Variants in CLVS2 observed in about 807,000 individuals in gnomAD.
The protein encoded by CLVS2 is clavesin 2.
Under a neutral mutation model 29.0 loss-of-function variants are expected in CLVS2, and 19 were observed. The observed-to-expected ratio is 0.66, with a 90% CI of 0.46 to 0.96. The LOEUF is 0.96. CLVS2 is among the 40% of genes least tolerant of loss of function. The pLI is 0.00. For missense variants in CLVS2, 294 were observed against 404.1 expected (o/e 0.73, Z 2.34); for synonymous variants, 161 against 151.3 (o/e 1.06, Z -0.47).
At position 122,997,420 on chromosome 6, in the gene CLVS2, C is replaced by T. The variant is rs1036509417; in HGVS notation, c.-358C>T. ...AGGACAGTACCAAGATCAGAAACAC[C>T]CGTGCTAGGTGGAATTAGGGGTGAT... On this transcript the variant is annotated 5_prime_UTR_variant, in exon 2 of 6. Coordinates refer to ENST00000275162, the MANE Select transcript of CLVS2 (RefSeq NM_001010852.4). 7.7e-6 allele frequency: 2 copies of T among 259,522 alleles called. No homozygotes were observed. The highest frequency in any genetic ancestry group is 1.0e-4 in the Admixed American group (2 of 19,760). The allele number at this position is 259,522 out of a possible 1,614,324, so 16.1% of individuals were successfully genotyped here.
Position 123,070,113 on chromosome 6 carries a change from A to G in CLVS2, c.*6352A>G, listed in dbSNP as rs1431658065. 6.6e-6 allele frequency: 1 copy of G among 151,898 alleles called. No individual in the cohort carries two copies. Among genetic ancestry groups the G allele is most frequent in the African/African-American group, 2.4e-5 (1 of 41,406 alleles). 9.4% of individuals were successfully genotyped at this position (151,898 alleles called of 1,614,324 possible). On this transcript the variant is annotated 3_prime_UTR_variant, in exon 6 of 6. Transcript: ENST00000275162. ...AAAATTGTTGTTTTTTGTGTTTTGT[A>G]TTCATAGGGAAGACTAGTAATATCC...
chr6:122,998,798 G>A (rs1273135549), intron 2 of CLVS2, among the ~76,000 whole-genome samples: 1 of 152,076 alleles, frequency 6.6e-6, no homozygotes, highest in African/African-American at 2.4e-5. Flanking sequence ...ACTGACTGGT[G>A]TATGTGTCCT....
intron 2 of CLVS2, among the ~76,000 whole-genome samples, chr6:123,002,586 T>TAATAA (rs150606484): frequency 0.015 from 2,177 of 144,210 alleles, 30 homozygotes; most frequent in African/African-American, 0.036. Flanking sequence ...GTACTAAAAA[T>TAATAA]AATAAAATAA....
At chr6:123,024,034 C>G (rs189468460) in intron 3 of CLVS2, among the ~76,000 whole-genome samples, 3 of 152,166 alleles carry the variant, frequency 2.0e-5, no homozygotes, top group Admixed American at 1.3e-4. Flanking sequence ...GAAGATGAAC[C>G]CTTCAGGCTG....
intron 2 of CLVS2, among the ~76,000 whole-genome samples, chr6:123,002,595 A>AAAATAAAATAAAATT (rs1774605434): frequency 6.6e-6 from 1 of 151,306 alleles, no homozygotes; most frequent in Non-Finnish European, 1.5e-5. Context: ...ATAATAAAAT[A>AAAATAAAATAAAATT]AAATAAAATA....
intron 2 of CLVS2, among the ~76,000 whole-genome samples, chr6:123,003,359 G>A (rs1774617405): frequency 6.6e-6 from 1 of 152,204 alleles, no homozygotes; most frequent in African/African-American, 2.4e-5. Context: ...CCAATAGTTA[G>A]TATATTAAGA....
Position 123,011,105 on chromosome 6 carries a change from G to A in CLVS2, c.510G>A (p.Lys170=), listed in dbSNP as rs751923428. 1.5e-5 allele frequency: 24 copies of A among 1,611,376 alleles called. No individual in the cohort carries two copies. The highest frequency in any genetic ancestry group is 2.0e-5 in the Non-Finnish European group (24 of 1,178,536). ...TAGACTGGAGTAACTTCACTTTCAAGCAAGCCTCTAAACTCACACCAAGTA... is the reference window on the plus strand; with the variant it reads ...TAGACTGGAGTAACTTCACTTTCAAACAAGCCTCTAAACTCACACCAAGTA... The part of the protein sequence containing the change: ...LIIDWSNFTF[K]QASKLTPSML... The change falls in exon 3 of 6, where the codon AAG becomes AAA. Residue 170 remains lysine, a synonymous_variant. Coordinates refer to ENST00000275162, the MANE Select transcript of CLVS2 (RefSeq NM_001010852.4).
At chr6:123,035,481 C>T (rs879742998) in intron 3 of CLVS2, among the ~76,000 whole-genome samples, 21 of 151,964 alleles carry the variant, frequency 1.4e-4, no homozygotes, top group Non-Finnish European at 2.6e-4. Flanking sequence ...TAAAAAGTCT[C>T]ATATTTTATC....
chr6:123,070,839 A>T lies in CLVS2; in HGVS notation c.*7078A>T, dbSNP rs1010633327. ...ATCTTTGCTGTTCCAGGAACTTGCT[A>T]AGCATGCCTCTACCTCAGGACTTTC... is the stretch of plus-strand genomic sequence containing the variant. On this transcript the variant is annotated 3_prime_UTR_variant, in exon 6 of 6. Coordinates refer to ENST00000275162, the MANE Select transcript of CLVS2 (RefSeq NM_001010852.4). 2.6e-5 allele frequency: 4 copies of T among 151,992 alleles called. No individual in the cohort carries two copies. Among genetic ancestry groups the T allele is most frequent in the Admixed American group, 2.6e-4 (4 of 15,218 alleles). The allele number at this position is 151,992 out of a possible 1,614,324, so 9.4% of individuals were successfully genotyped here.
chr6:123,035,508 A>G (rs537345897), intron 3 of CLVS2, among the ~76,000 whole-genome samples: 2 of 152,248 alleles, frequency 1.3e-5, no homozygotes, highest in African/African-American at 4.8e-5. Flanking sequence ...AATCTCTGGA[A>G]TCTACCTAGT....
chr6:123,054,123 T>G (rs117224349), intron 4 of CLVS2, among the ~76,000 whole-genome samples: 2 of 152,282 alleles, frequency 1.3e-5, no homozygotes, highest in East Asian at 3.9e-4. Flanking sequence ...TTTATTACCA[T>G]GACTCTTGCA....
chr6:123,009,381 T>C (rs1450197386), intron 2 of CLVS2, among the ~76,000 whole-genome samples: 3 of 152,102 alleles, frequency 2.0e-5, no homozygotes, highest in African/African-American at 7.2e-5. Context: ...CAAGATTCTG[T>C]TCCAAACTGC....
chr6:122,999,889 A>G (rs1774563903), intron 2 of CLVS2, among the ~76,000 whole-genome samples: 1 of 152,120 alleles, frequency 6.6e-6, no homozygotes, highest in Non-Finnish European at 1.5e-5. Flanking sequence ...TTATTTGTAA[A>G]CCTAATTAAG....
intron 3 of CLVS2, among the ~76,000 whole-genome samples, chr6:123,047,964 C>T (rs1008631230): frequency 6.6e-6 from 1 of 152,124 alleles, no homozygotes; most frequent in African/African-American, 2.4e-5. Context: ...GCTGGCTTTA[C>T]ATTTTCCTCC....
intron 3 of CLVS2, among the ~76,000 whole-genome samples, chr6:123,037,393 T>G (rs1775169915): frequency 1.3e-5 from 2 of 152,192 alleles, no homozygotes; most frequent in Admixed American, 1.3e-4. Context: ...AGATTTGGGC[T>G]CTGGTTACCC....
chr6:123,059,649 A>T (rs1772746490), intron 5 of CLVS2, among the ~76,000 whole-genome samples: 3 of 152,264 alleles, frequency 2.0e-5, no homozygotes, highest in South Asian at 4.2e-4. Context: ...CACTGTTGCT[A>T]TTGTTCAAGC....
At chr6:123,052,914 CAT>C (rs1252621528) in intron 4 of CLVS2, among the ~76,000 whole-genome samples, 1 of 149,818 alleles carries the variant, frequency 6.7e-6, no homozygotes, top group Non-Finnish European at 1.5e-5. Flanking sequence ...GGATTCAAGA[CAT>C]ATATTTCTAG....
intron 4 of CLVS2, among the ~76,000 whole-genome samples, chr6:123,053,110 G>A (rs1018726087): frequency 1.3e-5 from 2 of 152,116 alleles, no homozygotes; most frequent in Non-Finnish European, 2.9e-5. Flanking sequence ...ACTTTGGGAG[G>A]CCAAGGCGAG....
At chr6:123,056,112 T>A in intron 5 of CLVS2, 86 bp downstream of exon 5, 1 of 878,236 alleles carries the variant, frequency 1.1e-6, no homozygotes, top group African/African-American at 1.7e-5. Flanking sequence ...TGTTTTTCTG[T>A]ATACATTTTT....
Sources: gnomAD v4.1 joint callset for allele counts (sites outside exome capture counted in the v4.1 genomes callset) on GRCh38, gnomAD v4.1.1 for gene constraint, MANE v1.5 for transcripts, NCBI Gene and HGNC (gene_info 2026-07-23, HGNC 2026-07-21) for gene names.